DCTN4: variants seen among roughly 807,000 people sequenced by gnomAD.
The protein encoded by DCTN4 is dynactin subunit 4, also known as dynactin 4 (p62).
A neutral mutation model predicts 62.7 loss-of-function variants in DCTN4; 23 were observed. The observed-to-expected ratio is 0.37, with a 90% confidence interval of 0.26 to 0.52. The LOEUF (loss-of-function observed/expected upper bound fraction) is 0.52, where lower values mean the gene tolerates loss of function less well. DCTN4 is among the 20% of genes least tolerant of loss of function. The pLI is 0.92. For synonymous variants in DCTN4, 199 were observed against 202.1 expected, an observed-to-expected ratio of 0.98 and a Z score of 0.13; for missense variants, 514 against 580.4, an observed-to-expected ratio of 0.89 and a Z score of 1.18.
chr5:150,738,458 G>A (rs7445374), intron 4 of DCTN4, among the ~76,000 whole-genome samples: 34,251 of 152,074 alleles, frequency 0.23, 8,527 homozygotes, highest in African/African-American at 0.62. Flanking sequence ...GGGATGGTTT[G>A]AAATACCCAA....
At position 150,709,359 on chromosome 5, in the gene DCTN4, G is replaced by A. The variant is rs952928064; in HGVS notation, c.*1790C>T. 7.2e-5 allele frequency: 11 copies of A among 152,316 alleles called. No homozygotes were observed. Among genetic ancestry groups the A allele is most frequent in the Non-Finnish European group, 1.5e-5 (1 of 68,034 alleles). 9.4% of individuals were successfully genotyped at this position (152,316 alleles called of 1,614,324 possible). A position where few individuals can be genotyped will look rare whatever the true frequency, so the allele number is the denominator to read the frequency against. On this transcript the variant is annotated 3_prime_UTR_variant, in exon 13 of 13. Coordinates refer to ENST00000447998, the MANE Select transcript of DCTN4 (RefSeq NM_016221.4). ...TGACATGTGTGTAGTCTATGCAAACGTGTAAACATATGAAGCTATTCTCTA... is the reference window on the plus strand; with the variant it reads ...TGACATGTGTGTAGTCTATGCAAACATGTAAACATATGAAGCTATTCTCTA...
chr5:150,718,233 A>G (rs985313120), intron 11 of DCTN4, 43 bp downstream of exon 11: 4 of 1,376,026 alleles, frequency 2.9e-6, no homozygotes, highest in Non-Finnish European at 4.1e-6. Flanking sequence ...AGGACACTCC[A>G]GGGAAAGTGC....
intron 10 of DCTN4, among the ~76,000 whole-genome samples, chr5:150,718,662 C>T (rs889581147): frequency 4.6e-5 from 7 of 152,038 alleles, no homozygotes; most frequent in Admixed American, 3.9e-4. Context: ...TGTTCATTAT[C>T]TAAGTGAAGT....
At chr5:150,757,975 T>C (rs1752925119) in intron 1 of DCTN4, 1 of 761,274 alleles carries the variant, frequency 1.3e-6, no homozygotes, top group Non-Finnish European at 1.6e-6. Context: ...TTAAAAAAAG[T>C]ATCCACTTAA....
At chr5:150,731,256 CCT>C (rs1470527659) in intron 6 of DCTN4, 100 bp from the exon 7 acceptor site, 3 of 986,538 alleles carry the variant, frequency 3.0e-6, no homozygotes, top group Non-Finnish European at 4.7e-6. Flanking sequence ...TTGAAGTATT[CCT>C]CTGTCATAGA....
chr5:150,736,640 C>T (rs1273679522), intron 4 of DCTN4, among the ~76,000 whole-genome samples: 1 of 152,046 alleles, frequency 6.6e-6, no homozygotes, highest in Admixed American at 6.5e-5. Flanking sequence ...CCTTGAAACA[C>T]ACCAAAATAT....
At chr5:150,758,648 G>C (rs1459829937) in intron 1 of DCTN4, 3 of 1,252,920 alleles carry the variant, frequency 2.4e-6, no homozygotes, top group Non-Finnish European at 3.2e-6. Flanking sequence ...GGCCGCTCTA[G>C]AACCAGAAGA....
chr5:150,725,910 A>G (rs1760127291), intron 8 of DCTN4, among the ~76,000 whole-genome samples: 1 of 152,090 alleles, frequency 6.6e-6, no homozygotes, highest in South Asian at 2.1e-4. Context: ...ACCTGTATTT[A>G]TTTATTTTTT....
chr5:150,745,649 G>A (rs867580690), intron 3 of DCTN4, among the ~76,000 whole-genome samples: 2 of 152,184 alleles, frequency 1.3e-5, no homozygotes, highest in East Asian at 3.9e-4. Context: ...ACTCAAAACC[G>A]TTCAACTACA....
intron 3 of DCTN4, among the ~76,000 whole-genome samples, chr5:150,747,573 T>G (rs1752503783): frequency 6.6e-6 from 1 of 152,184 alleles, no homozygotes; most frequent in Non-Finnish European, 1.5e-5. Flanking sequence ...AACAGCATGG[T>G]ACTGGTACCA....
chr5:150,748,200 T>A lies in DCTN4; in HGVS notation c.385+5279A>T, dbSNP rs1752530310. On this transcript the variant is annotated intron_variant, in intron 3 of 12. Transcript: ENST00000447998. ...CACATGAAAAAATGCTCATCATCACTGGCCATCAGAGAAATGCAAATCAAA... is the reference window on the plus strand; with the variant it reads ...CACATGAAAAAATGCTCATCATCACAGGCCATCAGAGAAATGCAAATCAAA... 2.0e-5 allele frequency among the ~76,000 whole-genome samples: 3 copies of A among 151,494 alleles called. No homozygotes were observed. In the South Asian group the frequency reaches 6.2e-4, roughly 32 times the overall value.
chr5:150,716,019 C>G (rs2151468643), intron 11 of DCTN4, among the ~76,000 whole-genome samples: 1 of 152,290 alleles, frequency 6.6e-6, no homozygotes, highest in Admixed American at 6.5e-5. Flanking sequence ...ATTCTCCTGA[C>G]TCAGCCTCAT....
At chr5:150,740,769 G>A (rs546898581) in intron 4 of DCTN4, among the ~76,000 whole-genome samples, 38 of 152,298 alleles carry the variant, frequency 2.5e-4, no homozygotes, top group African/African-American at 9.1e-4. Flanking sequence ...TAGTGTTGGA[G>A]ACCATTATTC....
At chr5:150,754,711 T>G (rs1448060299) in intron 2 of DCTN4, among the ~76,000 whole-genome samples, 1 of 152,188 alleles carries the variant, frequency 6.6e-6, no homozygotes, top group Admixed American at 6.5e-5. Flanking sequence ...CTCACGCTTG[T>G]AATCCCAGCA....
chr5:150,736,508 T>G (rs1358489190), intron 4 of DCTN4, among the ~76,000 whole-genome samples: 2 of 152,196 alleles, frequency 1.3e-5, no homozygotes. Context: ...CCAGCGAAAC[T>G]AAGCTTTGTA....
At chr5:150,741,983 A>G in intron 4 of DCTN4, 131 bp downstream of exon 4, 1 of 788,148 alleles carries the variant, frequency 1.3e-6, no homozygotes, top group Non-Finnish European at 2.2e-6. Flanking sequence ...AATGAGAAGC[A>G]CTGTCTATGT....
Position 150,710,802 on chromosome 5 carries a change from A to G in DCTN4, c.*347T>C. The G allele has an allele frequency of 3.6e-6, 1 of 275,178 alleles. No individual in the cohort carries two copies. The highest frequency in any genetic ancestry group is 4.7e-5 in the Admixed American group (1 of 21,412). 17.0% of individuals were successfully genotyped at this position (275,178 alleles called of 1,614,324 possible). ...ATCTGTGACATTGTGATCCTTAGTG[A>G]GATCAGATCAAGAGACAGTACAGAG... On this transcript the variant is annotated 3_prime_UTR_variant, in exon 13 of 13. Transcript: ENST00000447998.
intron 10 of DCTN4, 31 bp from the exon 11 acceptor site, chr5:150,718,414 T>C (rs761674878): frequency 2.0e-6 from 3 of 1,519,426 alleles, no homozygotes; most frequent in Admixed American, 3.4e-5. Flanking sequence ...CTCTCAGACA[T>C]TCGCCACTTT....
At chr5:150,722,314 AG>A (rs1425150608) in intron 9 of DCTN4, among the ~76,000 whole-genome samples, 1 of 152,362 alleles carries the variant, frequency 6.6e-6, no homozygotes, top group African/African-American at 2.4e-5. Flanking sequence ...GTATTAGAAA[AG>A]TATGATGAGA....
Sources: allele counts gnomAD v4.1 joint callset (sites outside exome capture counted in the v4.1 genomes callset), GRCh38; gene constraint gnomAD v4.1.1; transcripts MANE v1.5; gene names NCBI Gene and HGNC (gene_info 2026-07-23, HGNC 2026-07-21).